EIF2B3: variants seen among roughly 807,000 people sequenced by gnomAD.
EIF2B3 encodes eukaryotic translation initiation factor 2B subunit gamma, also known as translation initiation factor eIF2B subunit gamma.
Under a neutral mutation model 54.1 loss-of-function variants are expected in EIF2B3, and 20 were observed. The observed-to-expected ratio is 0.37, with a 90% confidence interval of 0.26 to 0.54. EIF2B3 has a LOEUF of 0.54. EIF2B3 is among the 20% of genes least tolerant of loss of function. The pLI is 0.86. For missense variants in EIF2B3, 448 were observed against 547.8 expected (o/e 0.82, Z 1.82); for synonymous variants, 153 against 188.1 (o/e 0.81, Z 1.52).
chr1:44,886,644 T>C (rs1477397209), intron 6 of EIF2B3, among the ~76,000 whole-genome samples: 2 of 152,246 alleles, frequency 1.3e-5, no homozygotes, highest in African/African-American at 2.4e-5. Flanking sequence ...TAGCTGAGAA[T>C]TGGCCAATCC....
chr1:44,953,670 G>A (rs1447408912), intron 3 of EIF2B3, among the ~76,000 whole-genome samples: 1 of 152,176 alleles, frequency 6.6e-6, no homozygotes, highest in Non-Finnish European at 1.5e-5. Context: ...GTGTGTGCCT[G>A]TAGTCCCAGC....
intron 10 of EIF2B3, among the ~76,000 whole-genome samples, chr1:44,863,551 A>G (rs1654678175): frequency 6.6e-6 from 1 of 152,068 alleles, no homozygotes; most frequent in African/African-American, 2.4e-5. Context: ...ATTATTTTTA[A>G]TGAAATATTT....
At chr1:44,970,773 A>G (rs1644391738) in intron 3 of EIF2B3, among the ~76,000 whole-genome samples, 1 of 152,210 alleles carries the variant, frequency 6.6e-6, no homozygotes, top group Non-Finnish European at 1.5e-5. Context: ...CTCAGTTCCT[A>G]ACAGCTATTT....
chr1:44,871,501 C>T (rs1654964404), intron 10 of EIF2B3, among the ~76,000 whole-genome samples: 1 of 152,242 alleles, frequency 6.6e-6, no homozygotes, highest in South Asian at 2.1e-4. Flanking sequence ...TGTCCATCTG[C>T]ATGTATAGCC....
At chr1:44,985,665 C>T (rs1319680658) in intron 1 of EIF2B3, among the ~76,000 whole-genome samples, 1 of 152,172 alleles carries the variant, frequency 6.6e-6, no homozygotes, top group Non-Finnish European at 1.5e-5. Context: ...CAAGGAGGCC[C>T]TGGGTGAAGA....
intron 6 of EIF2B3, among the ~76,000 whole-genome samples, chr1:44,884,107 G>A (rs962027388): frequency 2.0e-5 from 3 of 152,248 alleles, no homozygotes; most frequent in Admixed American, 6.5e-5. Context: ...CCAAAGTGCC[G>A]GGATTACAGG....
intron 5 of EIF2B3, among the ~76,000 whole-genome samples, chr1:44,898,083 C>T (rs1482856247): frequency 2.0e-5 from 3 of 152,062 alleles, no homozygotes; most frequent in Non-Finnish European, 4.4e-5. Flanking sequence ...CATTTTCCTG[C>T]TTCTACCCTA....
intron 3 of EIF2B3, chr1:44,972,623 T>TACACACACACACACACAC (rs1202472645): frequency 6.4e-5 from 9 of 141,576 alleles, no homozygotes; most frequent in Non-Finnish European, 1.1e-4. Flanking sequence ...AATAAATAAA[T>TACACACACACACACACAC]ACACACACAC....
At chr1:44,966,206 G>T (rs1433899121) in intron 3 of EIF2B3, among the ~76,000 whole-genome samples, 2 of 152,084 alleles carry the variant, frequency 1.3e-5, no homozygotes, top group Non-Finnish European at 2.9e-5. Context: ...TCGGGAGGCT[G>T]AGGAAGGAGG....
chr1:44,974,074 C>A (rs1457266188), intron 3 of EIF2B3, among the ~76,000 whole-genome samples: 5 of 152,024 alleles, frequency 3.3e-5, no homozygotes, highest in African/African-American at 7.2e-5. Flanking sequence ...CACCCAAAAT[C>A]CACTTGAGAG....
At chr1:44,932,619 A>G (rs1643906863) in intron 4 of EIF2B3, among the ~76,000 whole-genome samples, 1 of 152,200 alleles carries the variant, frequency 6.6e-6, no homozygotes, top group Admixed American at 6.5e-5. Flanking sequence ...TTCGGAAACA[A>G]AAAGATCCTA....
At chr1:44,914,837 C>T (rs1268560342) in intron 5 of EIF2B3, among the ~76,000 whole-genome samples, 2 of 152,040 alleles carry the variant, frequency 1.3e-5, no homozygotes, top group South Asian at 2.1e-4. Context: ...TACAAGTTCC[C>T]GCCACCACGC....
At position 44,881,877 on chromosome 1, in the gene EIF2B3, T is replaced by C. The variant is rs1045949501; in HGVS notation, c.657-138A>G. Reference sequence around the variant, plus strand: ...GGACTGTCAGAGATCAAATGTGGCATTGACTTGGCAGTTCGGAGAAGCAGA... The same window carrying C: ...GGACTGTCAGAGATCAAATGTGGCACTGACTTGGCAGTTCGGAGAAGCAGA... On this transcript the variant is annotated intron_variant, in intron 6 of 11. Transcript: ENST00000360403. The surrounding 1 kb of genome is among the most constrained non-coding windows in gnomAD (Gnocchi z 4.0). The C allele has an allele frequency of 2.5e-6, 3 of 1,201,494 alleles. No individual in the cohort carries two copies. Among genetic ancestry groups the C allele is most frequent in the African/African-American group, 1.5e-5 (1 of 65,784 alleles). The allele number at this position is 1,201,494 out of a possible 1,614,324, so 74.4% of individuals were successfully genotyped here. A position where few individuals can be genotyped will look rare whatever the true frequency, so the allele number is the denominator to read the frequency against.
intron 3 of EIF2B3, among the ~76,000 whole-genome samples, chr1:44,968,340 C>T (rs969067607): frequency 3.5e-5 from 5 of 143,744 alleles, no homozygotes; most frequent in East Asian, 2.0e-4. Flanking sequence ...CCAGCCTGGG[C>T]GACAGAGTGA....
intron 2 of EIF2B3, among the ~76,000 whole-genome samples, chr1:44,980,581 A>G (rs1334783143): frequency 1.3e-5 from 2 of 152,180 alleles, no homozygotes; most frequent in Non-Finnish European, 2.9e-5. Context: ...ACTAGACTTT[A>G]AAGTTCTGGA....
chr1:44,900,501 G>T (rs1272978992), intron 5 of EIF2B3, among the ~76,000 whole-genome samples: 3 of 150,852 alleles, frequency 2.0e-5, no homozygotes, highest in Non-Finnish European at 2.9e-5. Context: ...ACACAACCAG[G>T]GGGAGGGAGG....
chr1:44,874,613 C>T, intron 10 of EIF2B3, 65 bp downstream of exon 10: 1 of 1,575,214 alleles, frequency 6.3e-7, no homozygotes, highest in Middle Eastern at 1.7e-4. Context: ...AATTAACCTT[C>T]CTTCAGAATT....
intron 5 of EIF2B3, among the ~76,000 whole-genome samples, chr1:44,922,611 T>C (rs1206172737): frequency 7.9e-6 from 1 of 126,562 alleles, no homozygotes; most frequent in African/African-American, 3.1e-5. Flanking sequence ...AAAAAAAAAA[T>C]CTGCAGATTG....
At chr1:44,969,648 AAT>A (rs1644380605) in intron 3 of EIF2B3, among the ~76,000 whole-genome samples, 1 of 152,298 alleles carries the variant, frequency 6.6e-6, no homozygotes, top group Admixed American at 6.5e-5. Flanking sequence ...AGTTGGGTAA[AAT>A]ATAGATAAAA....
Sources: allele counts gnomAD v4.1 joint callset (sites outside exome capture counted in the v4.1 genomes callset), GRCh38; gene constraint gnomAD v4.1.1; non-coding constraint Gnocchi (gnomAD v3.1); transcripts MANE v1.5; gene names NCBI Gene and HGNC (gene_info 2026-07-23, HGNC 2026-07-21).